The following PDE4D variants were observed in gnomAD, a reference collection of about 807,000 sequenced individuals.
PDE4D encodes the protein 3',5'-cyclic-AMP phosphodiesterase 4D.
In PDE4D, 24 loss-of-function variants were observed where a neutral mutation model predicts 87.4. That is an observed-to-expected ratio of 0.27 (90% CI 0.20 to 0.39). The LOEUF (loss-of-function observed/expected upper bound fraction) is 0.39, where lower values mean the gene tolerates loss of function less well. PDE4D is among the 10% of genes least tolerant of loss of function. PDE4D has a pLI of 1.00. For synonymous variants in PDE4D, 384 were observed against 383.2 expected (o/e 1.00, Z -0.02); for missense variants, 714 against 1,041.0 (o/e 0.69, Z 4.32).
intron 1 of PDE4D, among the ~76,000 whole-genome samples, chr5:60,466,123 C>G (rs1332809121): frequency 6.6e-6 from 1 of 152,082 alleles, no homozygotes; most frequent in Non-Finnish European, 1.5e-5. Context: ...TATTGTTATC[C>G]ATTGTTTGGG....
intron 2 of PDE4D, among the ~76,000 whole-genome samples, chr5:60,120,948 AC>A (rs1778622750): frequency 4.6e-5 from 7 of 152,156 alleles, no homozygotes; most frequent in Admixed American, 4.6e-4. Flanking sequence ...CTGAGTGGGC[AC>A]TATCTAATCA....
At chr5:59,810,069 A>G (rs1420074890) in intron 1 of PDE4D, among the ~76,000 whole-genome samples, 1 of 152,222 alleles carries the variant, frequency 6.6e-6, no homozygotes, top group Non-Finnish European at 1.5e-5. Flanking sequence ...TTGTAATTCC[A>G]TTGCCTGGTT....
chr5:59,189,848 A>G (rs1053216543), intron 3 of PDE4D, among the ~76,000 whole-genome samples: 4 of 152,228 alleles, frequency 2.6e-5, no homozygotes, highest in Non-Finnish European at 4.4e-5. Context: ...TTACAGGGGA[A>G]AGCATAAGAA....
At chr5:60,128,811 C>A (rs1368868570) in intron 2 of PDE4D, among the ~76,000 whole-genome samples, 4 of 152,122 alleles carry the variant, frequency 2.6e-5, no homozygotes, top group Admixed American at 2.6e-4. Context: ...ACTAGTGAAC[C>A]ATATTTCTAT....
At position 60,288,371 on chromosome 5, in the gene PDE4D, A is replaced by G. The variant is rs1288098264; in HGVS notation, c.-89-102684T>C. On this transcript the variant is annotated intron_variant, in intron 1 of 16. Transcript: ENST00000502484. ...TATTTATGAGTCTTCCTAAACCTCT[A>G]ATTTAGGTTTCTAAATTCAAAATGC... Among the ~76,000 whole-genome samples, 24 of 152,346 alleles carry G rather than the reference A, an allele frequency of 1.6e-4. No homozygotes were observed. The East Asian group carries it at 4.6e-3, about 29-fold the overall frequency.
intron 1 of PDE4D, among the ~76,000 whole-genome samples, chr5:60,321,820 G>A (rs1756298057): frequency 6.6e-6 from 1 of 151,794 alleles, no homozygotes. Flanking sequence ...TTAGGCCAAT[G>A]CAAATCAAAA....
intron 1 of PDE4D, among the ~76,000 whole-genome samples, chr5:59,888,285 C>T (rs978447132): frequency 1.3e-5 from 2 of 152,326 alleles, no homozygotes; most frequent in African/African-American, 4.8e-5. Flanking sequence ...ACCTCCTCTG[C>T]CCACCACCTC....
At chr5:60,454,999 C>A (rs1316965328) in intron 1 of PDE4D, among the ~76,000 whole-genome samples, 1 of 151,648 alleles carries the variant, frequency 6.6e-6, no homozygotes, top group Non-Finnish European at 1.5e-5. Context: ...GGGTGGGGAA[C>A]AGGGTGAGGA....
chr5:59,457,923 A>G (rs749095562), intron 1 of PDE4D, among the ~76,000 whole-genome samples: 2 of 152,152 alleles, frequency 1.3e-5, no homozygotes, highest in Non-Finnish European at 2.9e-5. Flanking sequence ...AAAGAAAGAA[A>G]GAAAAACAGA....
chr5:60,335,317 C>A (rs2149879874), intron 1 of PDE4D, among the ~76,000 whole-genome samples: 1 of 152,278 alleles, frequency 6.6e-6, no homozygotes, highest in East Asian at 1.9e-4. Flanking sequence ...AGAGCAGGCT[C>A]AGTGAAGTCA....
At chr5:59,139,618 T>C (rs1333253863) in intron 5 of PDE4D, among the ~76,000 whole-genome samples, 4 of 151,972 alleles carry the variant, frequency 2.6e-5, no homozygotes, top group African/African-American at 9.7e-5. Context: ...TACTGGAACC[T>C]ACTGCCATGC....
chr5:59,993,063 A>G (rs1763171115), intron 2 of PDE4D, among the ~76,000 whole-genome samples: 1 of 152,168 alleles, frequency 6.6e-6, no homozygotes, highest in South Asian at 2.1e-4. Context: ...GAGAAGATGG[A>G]AAAAAGATAG....
chr5:60,060,289 T>C (rs563513515), intron 2 of PDE4D, among the ~76,000 whole-genome samples: 148 of 152,198 alleles, frequency 9.7e-4, no homozygotes, highest in African/African-American at 3.4e-3. Context: ...AATTCAGTTA[T>C]TTGATTTATC....
At chr5:60,237,993 C>G (rs762416102) in intron 1 of PDE4D, among the ~76,000 whole-genome samples, 1 of 151,910 alleles carries the variant, frequency 6.6e-6, no homozygotes, top group Admixed American at 6.6e-5. Context: ...CCCTACCTCC[C>G]TTCACAGAAA....
intron 1 of PDE4D, among the ~76,000 whole-genome samples, chr5:59,806,323 C>G (rs1767727990): frequency 6.6e-6 from 1 of 152,222 alleles, no homozygotes; most frequent in African/African-American, 2.4e-5. Flanking sequence ...TTGACTTGCT[C>G]TACCTCACTG....
chr5:59,897,987 G>T (rs1369968185), upstream of PDE4D, among the ~76,000 whole-genome samples: 1 of 152,086 alleles, frequency 6.6e-6, no homozygotes, highest in African/African-American at 2.4e-5. Context: ...AGATAATATT[G>T]TCAGTATTGC....
chr5:60,164,773 T>C (rs1055474767), intron 2 of PDE4D, among the ~76,000 whole-genome samples: 1 of 152,190 alleles, frequency 6.6e-6, no homozygotes, highest in Non-Finnish European at 1.5e-5. Context: ...TTAATTGACA[T>C]TCTGTCAATT....
intron 1 of PDE4D, among the ~76,000 whole-genome samples, chr5:60,450,287 A>G (rs1394327734): frequency 6.6e-6 from 1 of 152,136 alleles, no homozygotes; most frequent in African/African-American, 2.4e-5. Flanking sequence ...GATATTCATG[A>G]CAATGTTAGT....
intron 2 of PDE4D, among the ~76,000 whole-genome samples, chr5:59,998,415 G>C (rs909034744): frequency 7.2e-5 from 11 of 152,076 alleles, no homozygotes; most frequent in African/African-American, 2.7e-4. Context: ...ATATGCAAAA[G>C]GCTTTTATTT....
Sources: allele counts gnomAD v4.1 joint callset (sites outside exome capture counted in the v4.1 genomes callset), GRCh38; gene constraint gnomAD v4.1.1; transcripts MANE v1.5; gene names NCBI Gene and HGNC (gene_info 2026-07-23, HGNC 2026-07-21).